Variants in GRAMD1B observed in about 807,000 individuals in gnomAD.
GRAMD1B encodes the protein GRAM domain containing 1B.
Under a neutral mutation model 99.7 loss-of-function variants are expected in GRAMD1B, and 37 were observed. The ratio of observed to expected loss-of-function variants is 0.37; its 90% confidence interval spans 0.29 to 0.49. GRAMD1B has a LOEUF of 0.49. GRAMD1B is among the 20% of genes least tolerant of loss of function. The pLI, the probability that GRAMD1B is intolerant of heterozygous loss-of-function variation, is 0.98. For synonymous variants in GRAMD1B, 427 were observed against 387.6 expected (o/e 1.10, Z -1.19); for missense variants, 888 against 1,009.2 (o/e 0.88, Z 1.63).
chr11:123,408,643 A>C (rs1045564055), intron 1 of GRAMD1B, among the ~76,000 whole-genome samples: 7 of 152,228 alleles, frequency 4.6e-5, no homozygotes, highest in Admixed American at 3.9e-4. Context: ...GGTGTTGTCC[A>C]TAGGAAAGAC....
At chr11:123,570,966 G>A (rs1297643705) in intron 2 of GRAMD1B, among the ~76,000 whole-genome samples, 1 of 152,226 alleles carries the variant, frequency 6.6e-6, no homozygotes, top group African/African-American at 2.4e-5. Context: ...CAGTGTCCAG[G>A]TGTGGGGAGG....
intron 2 of GRAMD1B, among the ~76,000 whole-genome samples, chr11:123,511,021 T>A (rs768364155): frequency 1.6e-4 from 24 of 152,210 alleles, no homozygotes; most frequent in Non-Finnish European, 2.9e-4. Context: ...AGCCTTGCCC[T>A]ATTTTTTGTT....
At chr11:123,410,396 CAGA>C (rs367822404) in intron 1 of GRAMD1B, among the ~76,000 whole-genome samples, 9 of 152,148 alleles carry the variant, frequency 5.9e-5, no homozygotes, top group East Asian at 1.9e-4. Context: ...TGGAGAGAAG[CAGA>C]AGATTTCTTG....
chr11:123,405,828 A>G (rs1284986274), intron 1 of GRAMD1B, among the ~76,000 whole-genome samples: 4 of 152,186 alleles, frequency 2.6e-5, no homozygotes, highest in Non-Finnish European at 1.5e-5. Flanking sequence ...TATGAGCACA[A>G]TATTATGAAA....
At chr11:123,490,541 C>G (rs1458984730) in intron 2 of GRAMD1B, among the ~76,000 whole-genome samples, 8 of 152,062 alleles carry the variant, frequency 5.3e-5, no homozygotes, top group Non-Finnish European at 8.8e-5. Flanking sequence ...CCTTAGGAGC[C>G]TATTACTGTA....
intron 2 of GRAMD1B, among the ~76,000 whole-genome samples, chr11:123,481,604 C>T (rs1951613130): frequency 6.6e-6 from 1 of 152,088 alleles, no homozygotes; most frequent in African/African-American, 2.4e-5. Flanking sequence ...TGGATGGTGT[C>T]AGGTGGCAGC....
intron 1 of GRAMD1B, among the ~76,000 whole-genome samples, chr11:123,433,514 C>T (rs11824722): frequency 0.014 from 2,135 of 152,190 alleles, 52 homozygotes; most frequent in African/African-American, 0.049. Flanking sequence ...TAAAAAGAGC[C>T]GGGTGCAATG....
chr11:123,531,425 C>T (rs1206517200), intron 2 of GRAMD1B, among the ~76,000 whole-genome samples: 3 of 152,122 alleles, frequency 2.0e-5, no homozygotes, highest in Admixed American at 2.0e-4. Flanking sequence ...GTGTTATTGT[C>T]GTCATCATTA....
chr11:123,602,024 A>G (rs899253487), intron 8 of GRAMD1B, among the ~76,000 whole-genome samples: 6 of 151,828 alleles, frequency 4.0e-5, no homozygotes, highest in Non-Finnish European at 8.9e-5. Context: ...TGTCCCAGGC[A>G]GGGTGAATGT....
intron 1 of GRAMD1B, among the ~76,000 whole-genome samples, chr11:123,418,358 AGGGGTGGTTAAGCTG>A (rs1948302966): frequency 6.6e-6 from 1 of 152,260 alleles, no homozygotes; most frequent in Middle Eastern, 3.4e-3. Flanking sequence ...CCCCTCTCTC[AGGGGTGGTTAAGCTG>A]GGGGCCTTAC....
At chr11:123,583,174 GTGTA>G (rs1007257600) in intron 3 of GRAMD1B, among the ~76,000 whole-genome samples, 3 of 152,068 alleles carry the variant, frequency 2.0e-5, no homozygotes, top group East Asian at 1.9e-4. Flanking sequence ...TGTGGGTGGT[GTGTA>G]TGTGTTTGTG....
Position 123,610,448 on chromosome 11 carries a change from C to G in GRAMD1B, c.1919+110C>G, listed in dbSNP as rs1953385660. 1 of 1,031,248 alleles carries G rather than the reference C, an allele frequency of 9.7e-7. No individual in the cohort carries two copies. Among genetic ancestry groups the G allele is most frequent in the Non-Finnish European group, 1.5e-6 (1 of 675,782 alleles). 63.9% of individuals were successfully genotyped at this position (1,031,248 alleles called of 1,614,324 possible). A position where few individuals can be genotyped will look rare whatever the true frequency, so the allele number is the denominator to read the frequency against. On this transcript the variant is annotated intron_variant, in intron 14 of 19. Coordinates refer to ENST00000635736, the MANE Select transcript of GRAMD1B (RefSeq NM_001387025.1). This position sits in a 1 kb window ranked among gnomAD's most constrained non-coding sequence, Gnocchi z 4.1. ...GGTGGGGAGTGCTTGGCTGCTGACTCTCTTTATTCTACTTTCTCTCCGAAG... is the reference window on the plus strand; with the variant it reads ...GGTGGGGAGTGCTTGGCTGCTGACTGTCTTTATTCTACTTTCTCTCCGAAG...
chr11:123,509,525 C>T (rs957136307), intron 2 of GRAMD1B, among the ~76,000 whole-genome samples: 3 of 152,324 alleles, frequency 2.0e-5, no homozygotes, highest in East Asian at 1.9e-4. Context: ...TTCACCAGAG[C>T]GTACACCCCG....
At position 123,528,488 on chromosome 11, in the gene GRAMD1B, TATG is replaced by T. The variant is rs1943023607; in HGVS notation, c.452+47598_452+47600del. On this transcript the variant is annotated intron_variant, in intron 2 of 19. Coordinates refer to ENST00000635736, the MANE Select transcript of GRAMD1B (RefSeq NM_001387025.1). Reference sequence around the variant, plus strand: ...TAAACTCACATGGAGCTCACAGTGTTATGATAAGAATCCCCATTTTATCCCCAT... The same window carrying T: ...TAAACTCACATGGAGCTCACAGTGTTATAAGAATCCCCATTTTATCCCCAT... 2.0e-5 allele frequency among the ~76,000 whole-genome samples: 3 copies of T among 152,170 alleles called. No individual in the cohort carries two copies. In the South Asian group the frequency reaches 6.2e-4, roughly 32 times the overall value.
In GRAMD1B at chr11:123,624,100, A is replaced by G. The variant is rs537710287; in HGVS notation, c.*1505A>G. ...TGACCAAAAGAGTCCCACCAGCTCC[A>G]GGCAGAGCTTGTGGAGATTCATGAA... On this transcript the variant is annotated 3_prime_UTR_variant, in exon 20 of 20. Coordinates refer to ENST00000635736, the MANE Select transcript of GRAMD1B (RefSeq NM_001387025.1). 6.6e-6 allele frequency: 1 copy of G among 152,244 alleles called. No individual in the cohort carries two copies. Among genetic ancestry groups the G allele is most frequent in the Non-Finnish European group, 1.5e-5 (1 of 68,040 alleles). The allele number at this position is 152,244 out of a possible 1,614,324, so 9.4% of individuals were successfully genotyped here.
intron 1 of GRAMD1B, among the ~76,000 whole-genome samples, chr11:123,417,837 T>C (rs551203053): frequency 6.6e-6 from 1 of 152,288 alleles, no homozygotes; most frequent in Non-Finnish European, 1.5e-5. Context: ...CTCGGGAGGC[T>C]GAGTATAAGA....
rs545624239 is a variant in GRAMD1B, at chr11:123,448,662, G to A, written c.374+17496G>A. 1.8e-4 allele frequency among the ~76,000 whole-genome samples: 28 copies of A among 152,314 alleles called. No homozygotes were observed. In the South Asian group the frequency reaches 3.5e-3, roughly 19 times the overall value. The stretch of plus-strand genomic sequence containing the variant: ...CCTGACTAATGGGCAGTTCCACTGC[G>A]ATGTTCTTCAAAACTCAGCTTGTCT... On this transcript the variant is annotated intron_variant, in intron 1 of 19. Transcript: ENST00000635736.
intron 1 of GRAMD1B, among the ~76,000 whole-genome samples, chr11:123,453,968 T>A (rs1162456806): frequency 1.3e-5 from 2 of 152,246 alleles, no homozygotes; most frequent in African/African-American, 4.8e-5. Flanking sequence ...AAAATCCCGT[T>A]GATAATGGCC....
At chr11:123,447,988 C>A (rs1331487608) in intron 1 of GRAMD1B, among the ~76,000 whole-genome samples, 3 of 151,986 alleles carry the variant, frequency 2.0e-5, no homozygotes, top group Non-Finnish European at 4.4e-5. Flanking sequence ...CAGTGTTGGC[C>A]TGCTTAAGAT....
Sources: allele counts gnomAD v4.1 joint callset (sites outside exome capture counted in the v4.1 genomes callset), GRCh38; gene constraint gnomAD v4.1.1; non-coding constraint Gnocchi (gnomAD v3.1); transcripts MANE v1.5; gene names NCBI Gene and HGNC (gene_info 2026-07-23, HGNC 2026-07-21).